PPP6R2: variants seen among roughly 807,000 people sequenced by gnomAD.
PPP6R2 encodes the protein protein phosphatase 6 regulatory subunit 2, also known as serine/threonine-protein phosphatase 6 regulatory subunit 2.
In PPP6R2, 62 loss-of-function variants were observed where a neutral mutation model predicts 100.2. The observed-to-expected ratio is 0.62, with a 90% CI of 0.50 to 0.76. The LOEUF (loss-of-function observed/expected upper bound fraction) is 0.76, where lower values mean the gene tolerates loss of function less well. Among genes scored for constraint, PPP6R2 ranks in the 30% least tolerant of loss-of-function variants. The probability of loss-of-function intolerance (pLI) is 0.00; values close to 1 mark genes in which losing one functional copy is unlikely to be tolerated. For missense variants in PPP6R2, 1,142 were observed against 1,276.3 expected (o/e 0.89, Z 1.60); for synonymous variants, 525 against 514.7 (o/e 1.02, Z -0.27).
At chr22:50,334,492 A>G in the PPP6R2 span, among the ~76,000 whole-genome samples, 1 of 152,164 alleles carries the variant, frequency 6.6e-6, no homozygotes, top group African/African-American at 2.4e-5. Flanking sequence ...ATATATAATC[A>G]TATATATAAT....
intron 4 of PPP6R2, among the ~76,000 whole-genome samples, chr22:50,414,096 G>GT (rs1219479622): frequency 1.3e-5 from 2 of 152,320 alleles, no homozygotes; most frequent in South Asian, 2.1e-4. Flanking sequence ...CCGCTCATGG[G>GT]TTTTGGTCAG....
At chr22:50,343,260 C>T (rs1393030426), upstream of PPP6R2, 1 of 150,302 alleles carries the variant, frequency 6.7e-6, no homozygotes, top group Non-Finnish European at 1.5e-5. Context: ...GCGGCCCCGC[C>T]CCCGGCCGCG....
chr22:50,437,145 G>A (rs1326963706), intron 15 of PPP6R2, 77 bp downstream of exon 15: 36 of 1,338,082 alleles, frequency 2.7e-5, no homozygotes, highest in Non-Finnish European at 3.8e-5. Context: ...TCCTCCAGAC[G>A]AGTCTGATGG....
chr22:50,438,396 G>A, intron 18 of PPP6R2, 98 bp downstream of exon 18: 1 of 1,532,298 alleles, frequency 6.5e-7, no homozygotes. Flanking sequence ...GGCTTGCAGA[G>A]CAGCCACACC....
chr22:50,391,432 CAAAAAAAAAAAA>C (rs57682271), intron 2 of PPP6R2, among the ~76,000 whole-genome samples: 1 of 65,292 alleles, frequency 1.5e-5, no homozygotes, highest in Non-Finnish European at 2.7e-5. Context: ...GACTCCGTCT[CAAAAAAAAAAAA>C]AAAAAAAAAA....
chr22:50,355,849 A>C (rs1281606646), intron 1 of PPP6R2, among the ~76,000 whole-genome samples: 1 of 151,526 alleles, frequency 6.6e-6, no homozygotes, highest in African/African-American at 2.4e-5. Flanking sequence ...TGGAAAAAAA[A>C]AAACCAAAAA....
intron 2 of PPP6R2, among the ~76,000 whole-genome samples, chr22:50,388,757 A>C (rs1182724789): frequency 6.6e-6 from 1 of 152,066 alleles, no homozygotes; most frequent in Admixed American, 6.6e-5. Context: ...CTGTAGTCCC[A>C]GCTACTCAGG....
chr22:50,383,140 A>G (rs2053486847), intron 2 of PPP6R2, among the ~76,000 whole-genome samples: 1 of 152,082 alleles, frequency 6.6e-6, no homozygotes, highest in Admixed American at 6.6e-5. Flanking sequence ...ACCCGGCCTG[A>G]TTTAGAAATG....
intron 22 of PPP6R2, among the ~76,000 whole-genome samples, chr22:50,441,568 G>C (rs1184950455): frequency 6.6e-6 from 1 of 152,188 alleles, no homozygotes; most frequent in Non-Finnish European, 1.5e-5. Context: ...ATAGTAGGAT[G>C]GGGGGCGGCG....
Position 50,444,267 on chromosome 22 carries a change from C to T in PPP6R2, c.*20C>T, listed in dbSNP as rs201665274. 5.1e-5 allele frequency: 82 copies of T among 1,611,532 alleles called. No homozygotes were observed. The East Asian group carries it at 1.2e-3, about 23-fold the overall frequency. ...GTGTGATGCTGCTGCCGCCCGGCCA[C>T]GGCCCACCCTGGTCAGGCTGCCTCC... On this transcript the variant is annotated 3_prime_UTR_variant, in exon 24 of 24. Transcript: ENST00000612753.
chr22:50,366,635 G>C (rs916257102), intron 1 of PPP6R2, among the ~76,000 whole-genome samples: 3 of 152,090 alleles, frequency 2.0e-5, no homozygotes, highest in African/African-American at 7.2e-5. Context: ...GCTTTCCCTG[G>C]CTTGAATACC....
In PPP6R2 at chr22:50,358,924, A is replaced by C. The variant is rs959783647; in HGVS notation, c.-147-13096A>C. On this transcript the variant is annotated intron_variant, in intron 1 of 23. Transcript: ENST00000612753. ...TTGGTTTATTTTCTATCCTGTGTTA[A>C]CACCGCGATGTCTTGATTATTGTAA... Among the ~76,000 whole-genome samples the C allele has an allele frequency of 2.0e-5, 3 of 150,158 alleles. No homozygotes were observed. In the East Asian group the frequency reaches 5.9e-4, roughly 30 times the overall value.
intron 1 of PPP6R2, among the ~76,000 whole-genome samples, chr22:50,350,528 G>A (rs1451091022): frequency 3.3e-5 from 5 of 150,954 alleles, no homozygotes; most frequent in African/African-American, 4.9e-5. Context: ...CACTGCGACC[G>A]GCCTGAAATG....
chr22:50,337,601 TGGG>T, the PPP6R2 span, among the ~76,000 whole-genome samples: 14,423 of 108,432 alleles, frequency 0.13, 795 homozygotes, highest in South Asian at 0.21. Flanking sequence ...TGTGGTGTGT[TGGG>T]GGTGTGTGTG....
chr22:50,338,937 T>G (rs1051152862), upstream of PPP6R2, among the ~76,000 whole-genome samples: 2 of 124,258 alleles, frequency 1.6e-5, no homozygotes, highest in Non-Finnish European at 3.2e-5. Context: ...GTGGTGTGTG[T>G]GGGTGTGTAG....
In PPP6R2 at chr22:50,440,813, A is replaced by G; in HGVS notation, c.2375-9A>G. The G allele has an allele frequency of 1.9e-6, 3 of 1,612,748 alleles. No individual in the cohort carries two copies. The highest frequency in any genetic ancestry group is 2.2e-5 in the East Asian group (1 of 44,886). On this transcript the variant is annotated splice_polypyrimidine_tract_variant and intron_variant, in intron 21 of 23. Transcript: ENST00000612753. The stretch of plus-strand genomic sequence containing the variant: ...CCTCACTGGACAGCACAGGCCTCCT[A>G]CTTTGCAGTCAGCCCGGCTTCTCCA...
At chr22:50,350,512 A>C (rs1416818802) in intron 1 of PPP6R2, among the ~76,000 whole-genome samples, 4 of 151,422 alleles carry the variant, frequency 2.6e-5, no homozygotes, top group Non-Finnish European at 4.4e-5. Flanking sequence ...GATTACAGGC[A>C]TGAACCACTG....
At chr22:50,418,183 A>T (rs1361197347) in intron 6 of PPP6R2, among the ~76,000 whole-genome samples, 1 of 152,182 alleles carries the variant, frequency 6.6e-6, no homozygotes, top group African/African-American at 2.4e-5. Context: ...TCACAGGTAT[A>T]GCCCAGTATC....
chr22:50,389,469 A>G (rs534872533), intron 2 of PPP6R2, among the ~76,000 whole-genome samples: 1 of 152,202 alleles, frequency 6.6e-6, no homozygotes, highest in African/African-American at 2.4e-5. Context: ...AGTTTATACC[A>G]GTTTCTTTGA....
Sources: allele counts gnomAD v4.1 joint callset (sites outside exome capture counted in the v4.1 genomes callset), GRCh38; gene constraint gnomAD v4.1.1; transcripts MANE v1.5; gene names NCBI Gene and HGNC (gene_info 2026-07-23, HGNC 2026-07-21).